ZDHHC20: variants seen among roughly 807,000 people sequenced by gnomAD.
ZDHHC20 encodes palmitoyltransferase ZDHHC20.
ZDHHC20 carries 43 observed loss-of-function variants against 57.8 expected under a neutral mutation model. The observed-to-expected ratio is 0.74, with a 90% CI of 0.58 to 0.96. The LOEUF (loss-of-function observed/expected upper bound fraction) is 0.96, where lower values mean the gene tolerates loss of function less well. Ranked by LOEUF, ZDHHC20 falls within the 40% of genes least tolerant of loss-of-function variation. The pLI, the probability that ZDHHC20 is intolerant of heterozygous loss-of-function variation, is 0.00. For missense variants in ZDHHC20, 391 were observed against 441.1 expected, an observed-to-expected ratio of 0.89 and a Z score of 1.02; for synonymous variants, 157 against 153.0, an observed-to-expected ratio of 1.03 and a Z score of -0.19.
intron 8 of ZDHHC20, among the ~76,000 whole-genome samples, chr13:21,391,494 A>AT (rs1350393953): frequency 6.6e-6 from 1 of 152,028 alleles, no homozygotes; most frequent in Non-Finnish European, 1.5e-5. Context: ...TATTATTTTT[A>AT]TTTTTTAGAG....
At chr13:21,402,646 A>G in intron 5 of ZDHHC20, 151 bp downstream of exon 5, 2 of 597,644 alleles carry the variant, frequency 3.3e-6, no homozygotes, top group East Asian at 5.6e-5. Context: ...TTTTATCAAT[A>G]TTTTTGTCTG....
At chr13:21,457,387 G>C (rs117899603) in intron 1 of ZDHHC20, among the ~76,000 whole-genome samples, 251 of 152,246 alleles carry the variant, frequency 1.6e-3, no homozygotes, top group South Asian at 8.7e-3. Flanking sequence ...GAGTAAATAA[G>C]AAGATAAAGG....
chr13:21,449,227 TA>T (rs889861126), intron 1 of ZDHHC20, among the ~76,000 whole-genome samples: 85 of 151,518 alleles, frequency 5.6e-4, no homozygotes, highest in Admixed American at 2.0e-3. Flanking sequence ...AAAAATAAAT[TA>T]AAAAAAATAA....
At chr13:21,415,992 G>C (rs1253907328) in intron 3 of ZDHHC20, among the ~76,000 whole-genome samples, 1 of 151,926 alleles carries the variant, frequency 6.6e-6, no homozygotes, top group Non-Finnish European at 1.5e-5. Context: ...CACGAGGTCA[G>C]GAATTCAAGA....
intron 4 of ZDHHC20, among the ~76,000 whole-genome samples, chr13:21,406,721 T>C (rs1347497541): frequency 1.3e-5 from 2 of 152,208 alleles, no homozygotes; most frequent in Non-Finnish European, 2.9e-5. Flanking sequence ...AACTCATTCT[T>C]TTTTATGGCT....
intron 1 of ZDHHC20, among the ~76,000 whole-genome samples, chr13:21,458,599 G>T (rs1021159791): frequency 6.6e-6 from 1 of 152,136 alleles, no homozygotes; most frequent in Non-Finnish European, 1.5e-5. Flanking sequence ...GGCTCTACAG[G>T]TAACAGGCGT....
chr13:21,434,823 T>C (rs959127114), intron 1 of ZDHHC20, among the ~76,000 whole-genome samples: 1 of 152,160 alleles, frequency 6.6e-6, no homozygotes, highest in African/African-American at 2.4e-5. Context: ...TGTGTGGATA[T>C]TCCAGTTATA....
chr13:21,446,580 T>A lies in ZDHHC20; in HGVS notation c.118+12474A>T, dbSNP rs185124528. On this transcript the variant is annotated intron_variant, in intron 1 of 12. Coordinates refer to ENST00000400590, the MANE Select transcript of ZDHHC20 (RefSeq NM_001330059.2). ...AGATGTTTTAAAACCAAATTTTTTT[T>A]AAATTTTATTTTAAAGACCTATGGA... Among the ~76,000 whole-genome samples, 240 of 152,390 alleles carry A rather than the reference T, an allele frequency of 1.6e-3. 1 individual carries two copies. The highest frequency in any genetic ancestry group is 6.8e-3 in the Middle Eastern group (2 of 294).
intron 1 of ZDHHC20, among the ~76,000 whole-genome samples, chr13:21,455,317 A>T (rs1746728392): frequency 6.6e-6 from 1 of 152,200 alleles, no homozygotes; most frequent in African/African-American, 2.4e-5. Flanking sequence ...TACATGCCAA[A>T]GAAGAGGTAC....
At chr13:21,391,666 C>A in intron 8 of ZDHHC20, 56 bp downstream of exon 8, 2 of 1,530,320 alleles carry the variant, frequency 1.3e-6, no homozygotes, top group South Asian at 1.2e-5. Context: ...CTCTAGATTT[C>A]ATATTTATTT....
intron 7 of ZDHHC20, 62 bp from the exon 8 acceptor site, chr13:21,391,916 C>A (rs995064358): frequency 2.0e-6 from 3 of 1,523,358 alleles, no homozygotes; most frequent in African/African-American, 2.8e-5. Context: ...CAAGTTAGTT[C>A]TGTCTAAAGA....
intron 1 of ZDHHC20, among the ~76,000 whole-genome samples, chr13:21,441,389 C>CTTTTTT (rs1374485267): frequency 6.8e-6 from 1 of 147,064 alleles, no homozygotes. Flanking sequence ...TTTCTTTTCT[C>CTTTTTT]TCTTTTTTTT....
intron 4 of ZDHHC20, among the ~76,000 whole-genome samples, chr13:21,403,757 G>A (rs771828862): frequency 2.0e-5 from 3 of 152,046 alleles, no homozygotes; most frequent in Non-Finnish European, 2.9e-5. Flanking sequence ...GCACGATCTC[G>A]GCTCACTGCA....
intron 7 of ZDHHC20, among the ~76,000 whole-genome samples, chr13:21,393,366 T>A (rs1280675359): frequency 6.6e-6 from 1 of 151,228 alleles, no homozygotes; most frequent in East Asian, 1.9e-4. Context: ...CCGGGCATGG[T>A]GGTACACGCC....
At position 21,459,180 on chromosome 13, in the gene ZDHHC20, G is replaced by A; in HGVS notation, c.-9C>T. On this transcript the variant is annotated 5_prime_UTR_variant, in exon 1 of 13. Coordinates refer to ENST00000400590, the MANE Select transcript of ZDHHC20 (RefSeq NM_001330059.2). ...AGCGTCCAGGGCGCCATGTTCCGCT[G>A]GCGGCTGCCGAGCCCCGCGTCCCAC... 2.5e-6 allele frequency: 4 copies of A among 1,592,686 alleles called. No homozygotes were observed. Among genetic ancestry groups the A allele is most frequent in the Middle Eastern group, 1.7e-4 (1 of 5,944 alleles).
intron 1 of ZDHHC20, among the ~76,000 whole-genome samples, chr13:21,428,056 C>T (rs1881482676): frequency 6.6e-6 from 1 of 151,992 alleles, no homozygotes; most frequent in Non-Finnish European, 1.5e-5. Flanking sequence ...ACTTTTTCAC[C>T]AGCATCTGAA....
chr13:21,394,622 C>T (rs1173201624), intron 7 of ZDHHC20, among the ~76,000 whole-genome samples: 1 of 151,996 alleles, frequency 6.6e-6, no homozygotes, highest in Non-Finnish European at 1.5e-5. Flanking sequence ...AGAATTAATC[C>T]AAAAAAGTTA....
intron 4 of ZDHHC20, among the ~76,000 whole-genome samples, chr13:21,412,900 G>T (rs1257255394): frequency 6.7e-6 from 1 of 148,860 alleles, no homozygotes; most frequent in African/African-American, 2.5e-5. Context: ...CCCTGGGGGT[G>T]GAAGTTGCAG....
At position 21,418,903 on chromosome 13, in the gene ZDHHC20, G is replaced by A. The variant is rs371122987; in HGVS notation, c.249+2158C>T. 3.7e-4 allele frequency among the ~76,000 whole-genome samples: 57 copies of A among 152,196 alleles called. No individual in the cohort carries two copies. In the South Asian group the frequency reaches 0.012, roughly 32 times the overall value. ...TGCCAAGGCTGATGTCAAAGTCCTG[G>A]GCTAAAGTGATCTGCCTGCCTGCCT... On this transcript the variant is annotated intron_variant, in intron 3 of 12. Transcript: ENST00000400590.
Sources: allele counts gnomAD v4.1 joint callset (sites outside exome capture counted in the v4.1 genomes callset), GRCh38; gene constraint gnomAD v4.1.1; transcripts MANE v1.5; gene names NCBI Gene and HGNC (gene_info 2026-07-23, HGNC 2026-07-21).